The following PSMC6 variants were observed in gnomAD, a reference collection of about 807,000 sequenced individuals.
PSMC6 encodes the protein 26S proteasome regulatory subunit 10B.
PSMC6 carries 3 observed loss-of-function variants against 55.9 expected under a neutral mutation model. The ratio of observed to expected loss-of-function variants is 0.05; its 90% confidence interval spans 0.02 to 0.14. The LOEUF (loss-of-function observed/expected upper bound fraction) is 0.14, where lower values mean the gene tolerates loss of function less well. Among genes scored for constraint, PSMC6 ranks in the 10% least tolerant of loss-of-function variants. PSMC6 has a pLI of 1.00. For synonymous variants in PSMC6, 137 were observed against 155.9 expected, an observed-to-expected ratio of 0.88 and a Z score of 0.90; for missense variants, 210 against 478.7, an observed-to-expected ratio of 0.44 and a Z score of 5.24.
In PSMC6 at chr14:52,714,120, A is replaced by G. The variant is rs2041804399; in HGVS notation, c.529+152A>G. ...CAGTGGCACAATCTGGGCTAACTGC[A>G]ACCTCTGCCTTCCGGGCTCAAGTGA... On this transcript the variant is annotated intron_variant, in intron 7 of 13. Transcript: ENST00000445930. 3 of 466,586 alleles carry G rather than the reference A, an allele frequency of 6.4e-6. No individual in the cohort carries two copies. The East Asian group carries it at 1.1e-4, about 16-fold the overall frequency. 28.9% of individuals were successfully genotyped at this position (466,586 alleles called of 1,614,324 possible).
At position 52,711,082 on chromosome 14, in the gene PSMC6, T is replaced by C. The variant is rs1278267254; in HGVS notation, c.259-19T>C. ...CGTTTTTAAGTGTTGATGTAATATC[T>C]TTTGTTTTACAAAACTAGCTTGACA... On this transcript the variant is annotated intron_variant, in intron 4 of 13. Coordinates refer to ENST00000445930, the MANE Select transcript of PSMC6 (RefSeq NM_002806.5). 2 of 1,582,920 alleles carry C rather than the reference T, an allele frequency of 1.3e-6. No homozygotes were observed. Among genetic ancestry groups the C allele is most frequent in the Non-Finnish European group, 1.7e-6 (2 of 1,159,602 alleles).
chr14:52,724,763 A>T (rs947637129), intron 13 of PSMC6, among the ~76,000 whole-genome samples: 1 of 152,158 alleles, frequency 6.6e-6, no homozygotes, highest in African/African-American at 2.4e-5. Flanking sequence ...ACCTAGAATC[A>T]TTTAGTTTTT....
chr14:52,713,352 C>T (rs1415899547), intron 6 of PSMC6, among the ~76,000 whole-genome samples: 5 of 152,184 alleles, frequency 3.3e-5, no homozygotes, highest in Non-Finnish European at 5.9e-5. Context: ...ACATACTGTT[C>T]TTTAAAAGCT....
intron 7 of PSMC6, 119 bp downstream of exon 7, chr14:52,714,087 C>A: frequency 1.6e-6 from 1 of 625,066 alleles, no homozygotes; most frequent in Non-Finnish European, 2.6e-6. Flanking sequence ...GTTGCCCAGG[C>A]TGTAGTGCAG....
intron 4 of PSMC6, 47 bp from the exon 5 acceptor site, chr14:52,711,037 CTCTCGTTAGAGTGTTAT>C: frequency 1.2e-5 from 4 of 338,478 alleles, no homozygotes; most frequent in African/African-American, 4.0e-5. Flanking sequence ...AAATATTAAA[CTCTCGTTAGAGTGTTAT>C]TCCGTTTTTA....
At chr14:52,714,569 C>A (rs576374745) in intron 7 of PSMC6, among the ~76,000 whole-genome samples, 4 of 152,184 alleles carry the variant, frequency 2.6e-5, no homozygotes, top group African/African-American at 9.6e-5. Context: ...CTTTATAATA[C>A]TGAAATGTTA....
In PSMC6 at chr14:52,707,257, G is replaced by T; in HGVS notation, c.38G>T (p.Arg13Leu). ...DPRDKALQDY[R>L]KKLLEHKEID... ...AGAGATAAGGCGCTTCAGGACTACC[G>T]CAAGAAGTTGCTTGAACACAAGGAG... The change falls in exon 1 of 14, where the codon CGC (arginine) becomes CTC (leucine). Residue 13 changes from arginine to leucine, a missense_variant. Physicochemically the swap from Arg to Leu is moderately radical, Grantham distance 102. Coordinates refer to ENST00000445930, the MANE Select transcript of PSMC6 (RefSeq NM_002806.5). 1 of 1,613,218 alleles carries T rather than the reference G, an allele frequency of 6.2e-7. No individual in the cohort carries two copies. Among genetic ancestry groups the T allele is most frequent in the Non-Finnish European group, 8.5e-7 (1 of 1,179,548 alleles).
At chr14:52,717,894 G>C (rs2041846996) in intron 7 of PSMC6, among the ~76,000 whole-genome samples, 187 bp from the exon 8 acceptor site, 1 of 152,016 alleles carries the variant, frequency 6.6e-6, no homozygotes, top group Non-Finnish European at 1.5e-5. Flanking sequence ...TGTGCGTGAT[G>C]GCACATGCCT....
intron 1 of PSMC6, 30 bp from the exon 2 acceptor site, chr14:52,708,279 A>C (rs759273365): frequency 1.3e-6 from 2 of 1,561,946 alleles, no homozygotes; most frequent in Non-Finnish European, 8.8e-7. Context: ...TTACTGTTCA[A>C]TTAAAAATGT....
chr14:52,712,217 A>AT (rs951865523), intron 6 of PSMC6, among the ~76,000 whole-genome samples: 4 of 151,888 alleles, frequency 2.6e-5, no homozygotes, highest in African/African-American at 4.8e-5. Context: ...CAGTACATTA[A>AT]TTTTTTTTGG....
rs146793502 is a variant in PSMC6 at position 52,709,497 on chromosome 14, A to G, written c.258+681A>G. On this transcript the variant is annotated intron_variant, in intron 4 of 13. Transcript: ENST00000445930. ...TAAATCTCCTATTAGGATTTTGCCT[A>G]GTATATAAGCGGTTGACATTTTCTA... is the stretch of plus-strand genomic sequence containing the variant. The G allele has an allele frequency of 8.7e-4, 362 of 414,704 alleles. 1 individual carries two copies. The highest frequency in any genetic ancestry group is 7.5e-3 in the African/African-American group (350 of 46,970). 25.7% of individuals were successfully genotyped at this position (414,704 alleles called of 1,614,324 possible).
At chr14:52,721,086 T>C (rs1299560323) in intron 11 of PSMC6, 24 bp from the exon 12 acceptor site, 1 of 1,578,454 alleles carries the variant, frequency 6.3e-7, no homozygotes, top group Non-Finnish European at 8.6e-7. Flanking sequence ...AAAACTGGAC[T>C]ATAAAATAAT....
intron 13 of PSMC6, among the ~76,000 whole-genome samples, chr14:52,725,307 A>AGTTATTT (rs1244599763): frequency 6.6e-6 from 1 of 152,180 alleles, no homozygotes; most frequent in African/African-American, 2.4e-5. Flanking sequence ...ATTTACCTTT[A>AGTTATTT]GTTATTGCAA....
At chr14:52,710,013 A>C (rs932075883) in intron 4 of PSMC6, 1 of 154,712 alleles carries the variant, frequency 6.5e-6, no homozygotes, top group African/African-American at 2.4e-5. Context: ...TAATTGTTAT[A>C]TTAATCCTAG....
intron 7 of PSMC6, among the ~76,000 whole-genome samples, chr14:52,715,493 A>G (rs756771494): frequency 6.6e-6 from 1 of 152,350 alleles, no homozygotes; most frequent in East Asian, 1.9e-4. Flanking sequence ...TAAGCCTGTC[A>G]TGTTAAACAA....
At chr14:52,711,071 G>C in intron 4 of PSMC6, 30 bp from the exon 5 acceptor site, 2 of 1,530,396 alleles carry the variant, frequency 1.3e-6, no homozygotes, top group Non-Finnish European at 1.8e-6. Context: ...TTTAAGTGTT[G>C]ATGTAATATC....
rs1171191828 is a variant in PSMC6 at position 52,721,127 on chromosome 14, G to A, written c.916G>A (p.Glu306Lys). ...ATTTTCAGATATTGATTTGCCAAAT[G>A]AACAAGCAAGATTAGACATACTGAA... is the stretch of plus-strand genomic sequence containing the variant. ...DRKIHIDLPN[E>K]QARLDILKIH... The change falls in exon 12 of 14, where the codon GAA becomes AAA. Residue 306 changes from glutamate to lysine, a missense_variant. Glu to Lys is a moderately conservative substitution (Grantham distance 56). Around this residue, in one of 4 missense-constraint regions of PSMC6, gnomAD observed 79 missense variants for 158.7 expected, o/e 0.50. Transcript: ENST00000445930. 6.3e-7 allele frequency: 1 copy of A among 1,597,132 alleles called. No homozygotes were observed. The highest frequency in any genetic ancestry group is 1.4e-5 in the African/African-American group (1 of 73,744).
Position 52,727,688 on chromosome 14 carries a change from A to C in PSMC6, c.*71A>C. Reference sequence around the variant, plus strand: ...TGTAAAAATAAAGTTAAAGAAAATAATGTATGTATTGGTAATGATGTCATT... The same window carrying C: ...TGTAAAAATAAAGTTAAAGAAAATACTGTATGTATTGGTAATGATGTCATT... On this transcript the variant is annotated 3_prime_UTR_variant, in exon 14 of 14. Transcript: ENST00000445930. The C allele has an allele frequency of 1.9e-6, 2 of 1,036,520 alleles. No individual in the cohort carries two copies. Among genetic ancestry groups the C allele is most frequent in the Admixed American group, 3.9e-5 (2 of 51,930 alleles). The allele number at this position is 1,036,520 out of a possible 1,614,324, so 64.2% of individuals were successfully genotyped here.
chr14:52,710,979 C>T, intron 4 of PSMC6, 122 bp from the exon 5 acceptor site: 5 of 785,808 alleles, frequency 6.4e-6, no homozygotes, highest in Non-Finnish European at 1.0e-5. Context: ...AGTTTATAAT[C>T]TGATATTTGT....
Sources: gnomAD v4.1 joint callset for allele counts (sites outside exome capture counted in the v4.1 genomes callset) on GRCh38, gnomAD v4.1.1 for gene constraint, gnomAD v4.1.1 regional missense constraint, MANE v1.5 for transcripts, NCBI Gene and HGNC (gene_info 2026-07-23, HGNC 2026-07-21) for gene names.